TAF1: variants seen among roughly 807,000 people sequenced by gnomAD.
The protein encoded by TAF1 is transcription initiation factor TFIID subunit 1.
In TAF1, 2 loss-of-function variants were observed where a neutral mutation model predicts 138.5. That is an observed-to-expected ratio of 0.01 (90% CI 0.01 to 0.05). The LOEUF (loss-of-function observed/expected upper bound fraction) is 0.05, where lower values mean the gene tolerates loss of function less well. Among genes scored for constraint, TAF1 ranks in the 10% least tolerant of loss-of-function variants. The pLI is 1.00. For synonymous variants in TAF1, 437 were observed against 503.2 expected (o/e 0.87, Z 1.76); for missense variants, 709 against 1,478.0 (o/e 0.48, Z 8.53).
intron 32 of TAF1, among the ~76,000 whole-genome samples, chrX:71,427,564 G>A (rs1240358622): frequency 8.9e-6 from 1 of 111,859 alleles, no homozygotes; most frequent in Non-Finnish European, 1.9e-5. Flanking sequence ...AGTAAGCAGA[G>A]GGCAGATGGA....
intron 13 of TAF1, among the ~76,000 whole-genome samples, chrX:71,471,306 C>T (rs777713053): frequency 4.2e-5 from 4 of 95,025 alleles, no homozygotes; most frequent in Non-Finnish European, 8.2e-5. Context: ...GGTGACAGAG[C>T]GAGACTCCGT....
chrX:71,479,529 G>T (rs773638999), intron 13 of TAF1, among the ~76,000 whole-genome samples: 1 of 111,207 alleles, frequency 9.0e-6, no homozygotes, highest in African/African-American at 3.3e-5. Flanking sequence ...CTGAGATCAC[G>T]CCACTCCACT....
At chrX:71,504,844 A>G (rs897660038) in intron 13 of TAF1, among the ~76,000 whole-genome samples, 3 of 108,156 alleles carry the variant, frequency 2.8e-5, no homozygotes, top group African/African-American at 1.0e-4. Context: ...TAAAATATCT[A>G]TGAGGCTGGG....
intron 32 of TAF1, chrX:71,441,595 A>G: frequency 3.9e-6 from 1 of 254,848 alleles, no homozygotes; most frequent in Non-Finnish European, 7.2e-6. Flanking sequence ...GCTATTTGAA[A>G]CTATATATTG....
intron 32 of TAF1, among the ~76,000 whole-genome samples, chrX:71,436,518 G>A (rs1026180415): frequency 9.2e-6 from 1 of 109,230 alleles, no homozygotes; most frequent in African/African-American, 3.3e-5. Context: ...CCTAATTTTT[G>A]TGTTTTTTTG....
At chrX:71,421,785 A>T (rs960163185) in intron 29 of TAF1, among the ~76,000 whole-genome samples, 1 of 112,370 alleles carries the variant, frequency 8.9e-6, no homozygotes, top group Non-Finnish European at 1.9e-5. Flanking sequence ...TAATTTTTAA[A>T]TGATAATCTA....
At chrX:71,470,161 C>T (rs748752839), downstream of TAF1, among the ~76,000 whole-genome samples, 4 of 111,415 alleles carry the variant, frequency 3.6e-5, no homozygotes, top group East Asian at 2.8e-4. Flanking sequence ...TGTGGGATTA[C>T]AGGTTTATAT....
At chrX:71,375,551 T>TA (rs1318123660) in intron 4 of TAF1, among the ~76,000 whole-genome samples, 95 of 103,867 alleles carry the variant, frequency 9.1e-4, no homozygotes, top group East Asian at 2.6e-3. Flanking sequence ...TTAGAATCTT[T>TA]AAAAAAAAAA....
chrX:71,388,590 A>G (rs2034378672), intron 16 of TAF1, 148 bp from the exon 17 acceptor site: 2 of 935,541 alleles, frequency 2.1e-6, no homozygotes. Context: ...GTTGTAGGAA[A>G]CTTAGCAGCT....
At chrX:71,445,298 C>CAA (rs41356545) in intron 32 of TAF1, among the ~76,000 whole-genome samples, 6 of 36,907 alleles carry the variant, frequency 1.6e-4, no homozygotes, top group East Asian at 1.2e-3. Context: ...AGACTCATCT[C>CAA]AAAAAAAAAA....
chrX:71,457,067 C>T (rs1263678840), intron 34 of TAF1, among the ~76,000 whole-genome samples: 2 of 112,106 alleles, frequency 1.8e-5, no homozygotes, highest in Non-Finnish European at 3.8e-5. Context: ...CAGTTTTCTG[C>T]ACTGTGCCGT....
rs1017943811 is a variant in TAF1, at chrX:71,451,444, A to T, written c.4754-2726A>T. ...AAATAATTATTGTTCATTATTTTAG[A>T]TGTGATATAGTTGGTTTGTTTTTAT... On this transcript the variant is annotated intron_variant, in intron 32 of 37. Coordinates refer to ENST00000423759, the MANE Select transcript of TAF1 (RefSeq NM_004606.5). Among the ~76,000 whole-genome samples the T allele has an allele frequency of 1.1e-4, 12 of 109,955 alleles. 1 individual carries two copies. Among genetic ancestry groups the T allele is most frequent in the Admixed American group, 1.1e-3 (11 of 10,339 alleles).
In TAF1 at chrX:71,465,731, T is replaced by C. The variant is rs1473245499; in HGVS notation, c.*1685T>C. ...TGTAATGAATGAATGAAGAAAGAAA[T>C]TGAAGAATCATGTAACATATGTGAT... On this transcript the variant is annotated 3_prime_UTR_variant, in exon 38 of 38. Transcript: ENST00000423759. 8.9e-6 allele frequency: 1 copy of C among 112,016 alleles called. No individual in the cohort carries two copies. Among genetic ancestry groups the C allele is most frequent in the African/African-American group, 3.2e-5 (1 of 30,808 alleles). 9.2% of individuals were successfully genotyped at this position (112,016 alleles called of 1,213,427 possible).
chrX:71,385,151 CTTTAAT>C (rs2034138874), intron 14 of TAF1, 102 bp downstream of exon 14: 1 of 585,003 alleles, frequency 1.7e-6, no homozygotes, highest in African/African-American at 2.3e-5. Flanking sequence ...GATTGAGATG[CTTTAAT>C]TTTAAGTACA....
intron 34 of TAF1, among the ~76,000 whole-genome samples, chrX:71,455,750 C>T (rs1239202059): frequency 1.8e-5 from 2 of 112,305 alleles, no homozygotes; most frequent in Admixed American, 9.4e-5. Flanking sequence ...CTCTGAGACC[C>T]TTTCAAATTT....
chrX:71,436,841 T>C (rs1026112080), intron 32 of TAF1, among the ~76,000 whole-genome samples: 2 of 111,977 alleles, frequency 1.8e-5, no homozygotes, highest in Non-Finnish European at 3.8e-5. Flanking sequence ...TCTAAGGTCA[T>C]TTTTGTTAGA....
intron 32 of TAF1, among the ~76,000 whole-genome samples, chrX:71,452,388 G>A (rs1251670631): frequency 1.8e-5 from 2 of 111,023 alleles, no homozygotes; most frequent in African/African-American, 3.3e-5. Context: ...AGACTGGGTC[G>A]CGGCCGGGCA....
At chrX:71,420,207 C>T (rs762632286) in intron 28 of TAF1, 8 of 634,592 alleles carry the variant, frequency 1.3e-5, no homozygotes, top group South Asian at 9.0e-5. Flanking sequence ...GGCATGGTAG[C>T]GGGCTCCTGG....
intron 23 of TAF1, among the ~76,000 whole-genome samples, 175 bp from the exon 24 acceptor site, chrX:71,398,396 AC>A (rs1245077945): frequency 1.8e-5 from 2 of 111,269 alleles, no homozygotes; most frequent in Non-Finnish European, 3.8e-5. Flanking sequence ...TAAGAGAGTT[AC>A]CTCTGCAAAT....
Sources: allele counts gnomAD v4.1 joint callset (sites outside exome capture counted in the v4.1 genomes callset), GRCh38; gene constraint gnomAD v4.1.1; transcripts MANE v1.5; gene names NCBI Gene and HGNC (gene_info 2026-07-23, HGNC 2026-07-21).